Variants in CYP2F1 observed in about 807,000 individuals in gnomAD.
CYP2F1 encodes cytochrome P450 family 2 subfamily F member 1.
In CYP2F1, 33 loss-of-function variants were observed where a neutral mutation model predicts 40.4. The observed-to-expected ratio is 0.82, with a 90% CI of 0.62 to 1.09. The LOEUF (loss-of-function observed/expected upper bound fraction) is 1.09, where lower values mean the gene tolerates loss of function less well. Among genes scored for constraint, CYP2F1 ranks in the 50% least tolerant of loss-of-function variants. The probability of loss-of-function intolerance (pLI) is 0.00; values close to 1 mark genes in which losing one functional copy is unlikely to be tolerated. For missense variants in CYP2F1, 566 were observed against 655.7 expected, an observed-to-expected ratio of 0.86 and a Z score of 1.49; for synonymous variants, 235 against 277.2, an observed-to-expected ratio of 0.85 and a Z score of 1.51.
chr19:41,119,784 C>CACAT lies in CYP2F1; in HGVS notation c.335-562_335-561insCATA, dbSNP rs1363525122. 5.2e-4 allele frequency among the ~76,000 whole-genome samples: 61 copies of CACAT among 117,070 alleles called. 3 individuals are homozygous for CACAT. The highest frequency in any genetic ancestry group is 2.9e-4 in the South Asian group (1 of 3,478). The allele number at this position is 117,070 out of a possible 152,430, so 76.8% of individuals were successfully genotyped here. A position where few individuals can be genotyped will look rare whatever the true frequency, so the allele number is the denominator to read the frequency against. ...ACACACACACACACACACACACACACATATATATTAGGTGGGCGTGGTGGT... is the reference window on the plus strand; with the variant it reads ...ACACACACACACACACACACACACACACATATATATATTAGGTGGGCGTGGTGGT... On this transcript the variant is annotated intron_variant, in intron 3 of 9. Coordinates refer to ENST00000331105, the MANE Select transcript of CYP2F1 (RefSeq NM_000774.5).
At chr19:41,125,905 G>T (rs1449190881) in intron 9 of CYP2F1, 1 of 499,808 alleles carries the variant, frequency 2.0e-6, no homozygotes, top group Non-Finnish European at 3.5e-6. Flanking sequence ...GGCTGAGGTG[G>T]GTGGATCGCC....
intron 7 of CYP2F1, 62 bp downstream of exon 7, chr19:41,123,025 G>A (rs745595856): frequency 6.4e-7 from 1 of 1,554,172 alleles, no homozygotes. Flanking sequence ...CCCCAGAGCA[G>A]GGAGCCACGG....
At position 41,127,956 on chromosome 19, in the gene CYP2F1, C is replaced by T. The variant is rs758387235; in HGVS notation, c.1350C>T (p.Leu450=). 6 of 1,613,478 alleles carry T rather than the reference C, an allele frequency of 3.7e-6. No homozygotes were observed. In the East Asian group the frequency reaches 1.1e-4, roughly 30 times the overall value. Residue 450 remains leucine, a synonymous_variant, in exon 10 of 10, where the codon CTC becomes CTT. Coordinates refer to ENST00000331105, the MANE Select transcript of CYP2F1 (RefSeq NM_000774.5). ...SLARMELFLY[L]TAILQSFSLQ... is the part of the protein sequence containing the mutation. ...CGCGCATGGAGCTCTTTCTGTACCT[C>T]ACCGCCATCCTGCAGAGCTTTTCGC...
In CYP2F1 at chr19:41,121,570, C is replaced by G; in HGVS notation, c.597C>G (p.Ile199Met). The change falls in exon 5 of 10, where the codon ATC (isoleucine) becomes ATG (methionine). Residue 199 changes from isoleucine to methionine, a missense_variant. This residue lies in a region of CYP2F1 where 264 missense variants were observed against 275.7 expected (regional missense o/e 0.96). Transcript: ENST00000331105. ...DYDDERLLTI[I>M]RLINDNFQIM... ...ATGATGAGCGTCTGCTCACCATTAT[C>G]CGCCTTATCAATGACAACTTCCAAA... is the stretch of plus-strand genomic sequence containing the variant. 6.2e-7 allele frequency: 1 copy of G among 1,610,308 alleles called. No individual in the cohort carries two copies. Among genetic ancestry groups the G allele is most frequent in the Non-Finnish European group, 8.5e-7 (1 of 1,179,742 alleles).
chr19:41,126,968 C>CA (rs1432673884), intron 9 of CYP2F1, among the ~76,000 whole-genome samples: 1 of 151,964 alleles, frequency 6.6e-6, no homozygotes, highest in East Asian at 1.9e-4. Flanking sequence ...AAAGAAAAAA[C>CA]AAAAAACTGG....
chr19:41,124,580 A>T, intron 7 of CYP2F1, 139 bp from the exon 8 acceptor site: 1 of 753,826 alleles, frequency 1.3e-6, no homozygotes, highest in Non-Finnish European at 2.1e-6. Flanking sequence ...GCTAATTCTC[A>T]CGTGCGCCCC....
chr19:41,120,574 TG>T lies in CYP2F1; in HGVS notation c.484+81del, dbSNP rs1448589521. 2.0e-6 allele frequency: 3 copies of T among 1,524,204 alleles called. No homozygotes were observed. In the African/African-American group the frequency reaches 4.2e-5, roughly 21 times the overall value. The allele number at this position is 1,524,204 out of a possible 1,614,324, so 94.4% of individuals were successfully genotyped here. The stretch of plus-strand genomic sequence containing the variant: ...AGGCTGGATGGCAGCCTTGACCTCC[TG>T]GGCCCAAACCATCCTCCCACCTCAA... On this transcript the variant is annotated intron_variant, in intron 4 of 9. Coordinates refer to ENST00000331105, the MANE Select transcript of CYP2F1 (RefSeq NM_000774.5).
chr19:41,116,838 A>G (rs2031843587), intron 3 of CYP2F1, among the ~76,000 whole-genome samples: 1 of 150,512 alleles, frequency 6.6e-6, no homozygotes. Context: ...CTCTTGCACC[A>G]CTCCTCATCT....
rs766640406 is a variant in CYP2F1 at position 41,123,250 on chromosome 19, T to G, written c.964+287T>G. 117 of 517,276 alleles carry G rather than the reference T, an allele frequency of 2.3e-4. 1 individual carries two copies. The highest frequency in any genetic ancestry group is 1.8e-3 in the South Asian group (115 of 64,078). The allele number at this position is 517,276 out of a possible 1,614,324, so 32.0% of individuals were successfully genotyped here. A position where few individuals can be genotyped will look rare whatever the true frequency, so the allele number is the denominator to read the frequency against. The stretch of plus-strand genomic sequence containing the variant: ...TCTGGCTCTGTCACCCAGGCTGGAG[T>G]GCAGTGGCGTGATCTCGATCCGCTC... On this transcript the variant is annotated intron_variant, in intron 7 of 9. Coordinates refer to ENST00000331105, the MANE Select transcript of CYP2F1 (RefSeq NM_000774.5).
At chr19:41,121,787 A>T (rs1468810776) in intron 5 of CYP2F1, among the ~76,000 whole-genome samples, 169 bp downstream of exon 5, 1 of 133,284 alleles carries the variant, frequency 7.5e-6, no homozygotes, top group Non-Finnish European at 1.5e-5. Context: ...TCCACTGAGC[A>T]TTTATGGCCG....
rs1202797426 is a variant in CYP2F1 at position 41,128,055 on chromosome 19, T to G, written c.1449T>G (p.Pro483=). The G allele has an allele frequency of 6.2e-7, 1 of 1,608,452 alleles. No homozygotes were observed. The highest frequency in any genetic ancestry group is 8.5e-7 in the Non-Finnish European group (1 of 1,177,580). ...LSSGLGNLPR[P]FQLCLRPR ...CAGGTCTTGGCAATTTGCCGCGGCC[T>G]TTCCAGCTGTGCCTGCGCCCGCGCT... The change falls in exon 10 of 10, where the codon CCT becomes CCG. Residue 483 remains proline, a synonymous_variant. Transcript: ENST00000331105.
At position 41,128,076 on chromosome 19, in the gene CYP2F1, G is replaced by C. The variant is rs573850680; in HGVS notation, c.1470G>C (p.Pro490=). The C allele has an allele frequency of 6.2e-7, 1 of 1,603,270 alleles. No homozygotes were observed. Among genetic ancestry groups the C allele is most frequent in the East Asian group, 2.2e-5 (1 of 44,604 alleles). The change falls in exon 10 of 10, where the codon CCG becomes CCC. Residue 490 remains proline (P), a synonymous_variant. Transcript: ENST00000331105. The part of the protein sequence containing the change: ...LPRPFQLCLR[P]R ...GGCCTTTCCAGCTGTGCCTGCGCCC[G>C]CGCTAACGCCCCGGCCCTTCCAGAT...
chr19:41,122,844 A>G lies in CYP2F1; in HGVS notation c.845A>G (p.His282Arg). 6.5e-7 allele frequency: 1 copy of G among 1,545,142 alleles called. No homozygotes were observed. The highest frequency in any genetic ancestry group is 8.7e-7 in the Non-Finnish European group (1 of 1,144,982). ...CAGGAGAAGGAGGACCCACTGAGCC[A>G]CTTCCACATGGATACCCTGCTGATG... ...MAEEKEDPLS[H>R]FHMDTLLMTT... Residue 282 changes from histidine (H) to arginine (R), a missense_variant, in exon 7 of 10, where the codon CAC (histidine) becomes CGC (arginine). Physicochemically the swap from His to Arg is conservative, Grantham distance 29. This residue lies in a region of CYP2F1 where 62 missense variants were observed against 105.6 expected (regional missense o/e 0.59). Transcript: ENST00000331105.
rs754660255 is a variant in CYP2F1 at position 41,116,223 on chromosome 19, T to C, written c.35T>C (p.Leu12Pro). 7 of 1,614,012 alleles carry C rather than the reference T, an allele frequency of 4.3e-6. No individual in the cohort carries two copies. The South Asian group carries it at 7.7e-5, about 18-fold the overall frequency. Reference sequence around the variant, plus strand: ...ATAAGCACAGCCATCTTACTCCTGCTCCTGGCTCTCGTCTGTCTGCTCCTG... The same window carrying C: ...ATAAGCACAGCCATCTTACTCCTGCCCCTGGCTCTCGTCTGTCTGCTCCTG... ...DSISTAILLL[L>P]LALVCLLLTL... Residue 12 changes from leucine to proline, a missense_variant, in exon 2 of 10, where the codon CTC becomes CCC. Leu to Pro is a moderately conservative substitution (Grantham distance 98, BLOSUM62 -3). This residue lies in a region of CYP2F1 where 264 missense variants were observed against 275.7 expected (regional missense o/e 0.96). Coordinates refer to ENST00000331105, the MANE Select transcript of CYP2F1 (RefSeq NM_000774.5).
intron 3 of CYP2F1, among the ~76,000 whole-genome samples, chr19:41,117,298 T>C (rs2031877188): frequency 6.6e-6 from 1 of 152,006 alleles, no homozygotes; most frequent in African/African-American, 2.4e-5. Context: ...ACCTGGTTAA[T>C]GTTTTGTATT....
At position 41,123,157 on chromosome 19, in the gene CYP2F1, TC is replaced by T. The variant is rs2032333043; in HGVS notation, c.964+197del. On this transcript the variant is annotated intron_variant, in intron 7 of 9. Transcript: ENST00000331105. Reference sequence around the variant, plus strand: ...ATGAGGTCCATGCAGCCTGCCCGAATCCCGACCCAGATCCCACCCGCTTAAT... The same window carrying T: ...ATGAGGTCCATGCAGCCTGCCCGAATCCGACCCAGATCCCACCCGCTTAAT... 10 of 712,032 alleles carry T rather than the reference TC, an allele frequency of 1.4e-5. No individual in the cohort carries two copies. In the East Asian group the frequency reaches 2.7e-4, roughly 19 times the overall value. The allele number at this position is 712,032 out of a possible 1,614,324, so 44.1% of individuals were successfully genotyped here. A position where few individuals can be genotyped will look rare whatever the true frequency, so the allele number is the denominator to read the frequency against.
intron 7 of CYP2F1, 112 bp from the exon 8 acceptor site, chr19:41,124,607 G>T (rs891799573): frequency 2.9e-6 from 3 of 1,018,260 alleles, no homozygotes; most frequent in Non-Finnish European, 2.8e-6. Flanking sequence ...GGCGCCCCGC[G>T]CTGGGAGACT....
At chr19:41,115,634 A>G (rs186454744) in intron 1 of CYP2F1, among the ~76,000 whole-genome samples, 2 of 152,300 alleles carry the variant, frequency 1.3e-5, no homozygotes, top group African/African-American at 4.8e-5. Context: ...TAGATAATAG[A>G]CAGATCAATG....
At chr19:41,127,823 T>C (rs968119625) in intron 9 of CYP2F1, 78 bp from the exon 10 acceptor site, 51 of 1,111,182 alleles carry the variant, frequency 4.6e-5, no homozygotes, top group Non-Finnish European at 6.1e-5. Flanking sequence ...CCTCTTATGT[T>C]TTCCTCTGGG....
Sources: allele counts gnomAD v4.1 joint callset (sites outside exome capture counted in the v4.1 genomes callset), GRCh38; gene constraint gnomAD v4.1.1; regional missense constraint gnomAD v4.1.1; transcripts MANE v1.5; gene names NCBI Gene and HGNC (gene_info 2026-07-23, HGNC 2026-07-21).